Variants in PDE4D observed in about 807,000 individuals in gnomAD.
The protein encoded by PDE4D is 3',5'-cyclic-AMP phosphodiesterase 4D.
A neutral mutation model predicts 87.4 loss-of-function variants in PDE4D; 24 were observed. The ratio of observed to expected loss-of-function variants is 0.27; its 90% CI spans 0.20 to 0.39. The LOEUF (loss-of-function observed/expected upper bound fraction) is 0.39. PDE4D is among the 10% of genes least tolerant of loss of function. The pLI is 1.00. For missense variants in PDE4D, 714 were observed against 1,041.0 expected (o/e 0.69, Z 4.32); for synonymous variants, 384 against 383.2 (o/e 1.00, Z -0.02).
At chr5:59,891,873 G>A (rs948695339) in intron 1 of PDE4D, among the ~76,000 whole-genome samples, 10 of 152,144 alleles carry the variant, frequency 6.6e-5, no homozygotes, top group Admixed American at 2.0e-4. Context: ...GTCAATCAGA[G>A]TTGGACAAAC....
rs1200066717 is a variant in PDE4D at position 59,574,155 on chromosome 5, TA to T, written c.455+319012del. On this transcript the variant is annotated intron_variant, in intron 1 of 14. Coordinates refer to ENST00000340635, the MANE Select transcript of PDE4D (RefSeq NM_001104631.2). Reference sequence around the variant, plus strand: ...ATATATATATATATAAATATATATTTATATATATATATATATAAATATCTTC... The same window carrying T: ...ATATATATATATATAAATATATATTTTATATATATATATATAAATATCTTC... 1.7e-3 allele frequency among the ~76,000 whole-genome samples: 162 copies of T among 97,282 alleles called. 2 individuals are homozygous for T. The highest frequency in any genetic ancestry group is 5.6e-3 in the Middle Eastern group (1 of 180). 63.8% of individuals were successfully genotyped at this position (97,282 alleles called of 152,430 possible).
At chr5:59,608,264 C>A (rs1353417466) in intron 1 of PDE4D, among the ~76,000 whole-genome samples, 1 of 152,122 alleles carries the variant, frequency 6.6e-6, no homozygotes, top group African/African-American at 2.4e-5. Flanking sequence ...CACTTTGCCT[C>A]TATTTCTAAT....
At chr5:58,986,370 G>C (rs1746417288) in intron 11 of PDE4D, among the ~76,000 whole-genome samples, 1 of 152,172 alleles carries the variant, frequency 6.6e-6, no homozygotes, top group Non-Finnish European at 1.5e-5. Context: ...GGGTCCTCCA[G>C]GTGCCAGTCA....
At chr5:59,914,536 A>ATGTATGTG (rs1219065433) in intron 3 of PDE4D, among the ~76,000 whole-genome samples, 12 of 145,422 alleles carry the variant, frequency 8.3e-5, no homozygotes, top group African/African-American at 3.0e-4. Context: ...AGGAAGATGT[A>ATGTATGTG]TGTGTGTGTG....
At chr5:59,848,677 G>A (rs1744235528) in intron 1 of PDE4D, among the ~76,000 whole-genome samples, 1 of 151,888 alleles carries the variant, frequency 6.6e-6, no homozygotes, top group Admixed American at 6.6e-5. Flanking sequence ...AAACTACAAT[G>A]AGACACCACT....
chr5:59,138,208 A>C (rs185418273), intron 5 of PDE4D, among the ~76,000 whole-genome samples: 80 of 152,344 alleles, frequency 5.3e-4, no homozygotes, highest in African/African-American at 1.7e-3. Flanking sequence ...CATAGTATTG[A>C]TATTCATTTC....
chr5:59,673,646 A>C lies in PDE4D; in HGVS notation c.455+219522T>G, dbSNP rs944317064. 3.3e-5 allele frequency among the ~76,000 whole-genome samples: 5 copies of C among 152,316 alleles called. No individual in the cohort carries two copies. In the East Asian group the frequency reaches 9.6e-4, roughly 29 times the overall value. On this transcript the variant is annotated intron_variant, in intron 1 of 14. Coordinates refer to ENST00000340635, the MANE Select transcript of PDE4D (RefSeq NM_001104631.2). ...AAGGGAAGCATGGCGCCATCTAGTG[A>C]TCATACAGAAAATTACATTTATGCA...
chr5:59,925,940 T>G (rs1421126794), intron 3 of PDE4D, among the ~76,000 whole-genome samples: 2 of 152,174 alleles, frequency 1.3e-5, no homozygotes, highest in African/African-American at 4.8e-5. Flanking sequence ...CACTCCACTT[T>G]CAGCATTGGA....
At chr5:59,822,951 T>A (rs1328368942) in intron 1 of PDE4D, among the ~76,000 whole-genome samples, 1 of 152,238 alleles carries the variant, frequency 6.6e-6, no homozygotes. Context: ...GCTCATCTAA[T>A]TGCCATTTTT....
At chr5:60,111,982 G>T (rs1339542241) in intron 2 of PDE4D, among the ~76,000 whole-genome samples, 1 of 151,796 alleles carries the variant, frequency 6.6e-6, no homozygotes, top group Non-Finnish European at 1.5e-5. Context: ...TTGATTAAAA[G>T]CTATTTTTAT....
At chr5:59,015,397 A>T (rs528000742) in intron 6 of PDE4D, among the ~76,000 whole-genome samples, 6 of 152,216 alleles carry the variant, frequency 3.9e-5, no homozygotes, top group African/African-American at 1.2e-4. Flanking sequence ...TAATATCCAG[A>T]ATCTACAAAG....
intron 3 of PDE4D, among the ~76,000 whole-genome samples, chr5:59,956,034 T>C (rs1464480509): frequency 6.6e-6 from 1 of 152,218 alleles, no homozygotes; most frequent in Admixed American, 6.5e-5. Context: ...AAGACCTCTG[T>C]ACTTCTGGTC....
intron 1 of PDE4D, among the ~76,000 whole-genome samples, chr5:59,668,804 A>AAAGAAGAAGAAGAAG (rs569736039): frequency 4.6e-5 from 5 of 108,206 alleles, no homozygotes; most frequent in African/African-American, 2.0e-4. Context: ...GAAGAAGAAG[A>AAAGAAGAAGAAGAAG]AAGAAGAAGA....
At chr5:59,069,514 T>TTA (rs1417058619) in intron 5 of PDE4D, among the ~76,000 whole-genome samples, 1 of 146,716 alleles carries the variant, frequency 6.8e-6, no homozygotes, top group African/African-American at 2.5e-5. Context: ...ACAAGAAGCT[T>TTA]TTTTTTTTTT....
chr5:59,947,151 G>C (rs971989494), intron 3 of PDE4D, among the ~76,000 whole-genome samples: 1 of 152,154 alleles, frequency 6.6e-6, no homozygotes, highest in African/African-American at 2.4e-5. Flanking sequence ...CTTCAAAATT[G>C]GTTGTTATGT....
At chr5:59,580,590 CCTGAGTAA>C (rs1394615684) in intron 1 of PDE4D, among the ~76,000 whole-genome samples, 1 of 151,994 alleles carries the variant, frequency 6.6e-6, no homozygotes, top group East Asian at 1.9e-4. Context: ...CCTTAGCCTC[CCTGAGTAA>C]CTGGGACCAC....
intron 1 of PDE4D, among the ~76,000 whole-genome samples, chr5:59,776,988 C>T (rs954100696): frequency 1.1e-4 from 16 of 152,146 alleles, no homozygotes; most frequent in African/African-American, 2.7e-4. Flanking sequence ...AATGTAGACT[C>T]GCCTGGCTCT....
At chr5:59,526,139 C>T (rs1189162414) in intron 1 of PDE4D, among the ~76,000 whole-genome samples, 1 of 152,140 alleles carries the variant, frequency 6.6e-6, no homozygotes, top group African/African-American at 2.4e-5. Flanking sequence ...ACTAGATAAA[C>T]ATTCTGAAAT....
In PDE4D at chr5:59,001,738, G is replaced by A. The variant is rs1388492303; in HGVS notation, c.922-8273C>T. Among the ~76,000 whole-genome samples, 6 of 152,184 alleles carry A rather than the reference G, an allele frequency of 3.9e-5. No individual in the cohort carries two copies. The East Asian group carries it at 9.7e-4, about 24-fold the overall frequency. Reference sequence around the variant, plus strand: ...TTTCTGAATACAAGATTCTCCTCTCGAATGCCCTGCTAGTCACGACAAACT... The same window carrying A: ...TTTCTGAATACAAGATTCTCCTCTCAAATGCCCTGCTAGTCACGACAAACT... On this transcript the variant is annotated intron_variant, in intron 6 of 14. Coordinates refer to ENST00000340635, the MANE Select transcript of PDE4D (RefSeq NM_001104631.2).
Sources: allele counts gnomAD v4.1 joint callset (sites outside exome capture counted in the v4.1 genomes callset), GRCh38; gene constraint gnomAD v4.1.1; transcripts MANE v1.5; gene names NCBI Gene and HGNC (gene_info 2026-07-23, HGNC 2026-07-21).